The following TYW1 variants were observed in gnomAD, a reference collection of about 807,000 sequenced individuals.
TYW1 encodes tRNA-yW synthesizing protein 1 homolog, also known as S-adenosyl-L-methionine-dependent tRNA 4-demethylwyosine synthase TYW1.
A neutral mutation model predicts 96.2 loss-of-function variants in TYW1; 46 were observed. The observed-to-expected ratio is 0.48, with a 90% CI of 0.38 to 0.61. The LOEUF (loss-of-function observed/expected upper bound fraction) is 0.61, where lower values mean the gene tolerates loss of function less well. TYW1 is among the 20% of genes least tolerant of loss of function. The pLI is 0.00. For missense variants in TYW1, 684 were observed against 909.6 expected, an observed-to-expected ratio of 0.75 and a Z score of 3.19; for synonymous variants, 274 against 323.0, an observed-to-expected ratio of 0.85 and a Z score of 1.63.
chr7:67,033,591 G>A (rs1014819213), intron 7 of TYW1, among the ~76,000 whole-genome samples: 2 of 152,142 alleles, frequency 1.3e-5, no homozygotes, highest in African/African-American at 4.8e-5. Context: ...TTGAGGGAGT[G>A]GAGAGAACTT....
Position 66,996,985 on chromosome 7 carries a change from A to G in TYW1, c.4+3A>G. On this transcript the variant is annotated splice_donor_region_variant and intron_variant, in intron 1 of 15. Coordinates refer to ENST00000359626, the MANE Select transcript of TYW1 (RefSeq NM_018264.4). ...CCTGTCGGCTCTGAGGAGGATGGGT[A>G]AGGGCACTCGGCGGGCAAGGACCCT... 6.8e-6 allele frequency: 11 copies of G among 1,614,108 alleles called. No homozygotes were observed. The highest frequency in any genetic ancestry group is 1.1e-5 in the South Asian group (1 of 91,060).
At chr7:67,005,328 G>A (rs576337171) in intron 3 of TYW1, among the ~76,000 whole-genome samples, 1 of 152,254 alleles carries the variant, frequency 6.6e-6, no homozygotes, top group East Asian at 1.9e-4. Flanking sequence ...AGGCACAGTG[G>A]CTCACGCCTA....
At chr7:67,112,813 G>A (rs532633749) in intron 12 of TYW1, among the ~76,000 whole-genome samples, 1 of 152,252 alleles carries the variant, frequency 6.6e-6, no homozygotes, top group South Asian at 2.1e-4. Context: ...GCCAGATGCA[G>A]AACGGTGCGC....
chr7:67,063,384 C>A lies in TYW1; in HGVS notation c.1156-3901C>A, dbSNP rs192616078. On this transcript the variant is annotated intron_variant, in intron 9 of 15. Transcript: ENST00000359626. Reference sequence around the variant, plus strand: ...GGAACAAGACAAGTATGTCTGTGTTCACCACTCCTGTTTTACATAGTATTG... The same window carrying A: ...GGAACAAGACAAGTATGTCTGTGTTAACCACTCCTGTTTTACATAGTATTG... Among the ~76,000 whole-genome samples, 18 of 152,332 alleles carry A rather than the reference C, an allele frequency of 1.2e-4. No individual in the cohort carries two copies. In the East Asian group the frequency reaches 3.5e-3, roughly 29 times the overall value.
intron 13 of TYW1, among the ~76,000 whole-genome samples, chr7:67,129,659 G>A (rs56307114): frequency 0.28 from 42,120 of 152,130 alleles, 6,685 homozygotes; most frequent in African/African-American, 0.44. Context: ...TGACGTCCAA[G>A]CAACTTTCTT....
At chr7:67,175,951 T>C (rs1301379362) in intron 13 of TYW1, among the ~76,000 whole-genome samples, 1 of 152,182 alleles carries the variant, frequency 6.6e-6, no homozygotes, top group Non-Finnish European at 1.5e-5. Flanking sequence ...AAAGTTATGA[T>C]TGGAAAGGAA....
intron 11 of TYW1, among the ~76,000 whole-genome samples, chr7:67,090,867 C>G (rs1266024320): frequency 2.0e-5 from 3 of 152,136 alleles, no homozygotes; most frequent in Non-Finnish European, 2.9e-5. Flanking sequence ...CAGTAAGATA[C>G]CATCTCATAC....
At chr7:67,103,096 T>C (rs1270390888) in intron 12 of TYW1, among the ~76,000 whole-genome samples, 2 of 152,208 alleles carry the variant, frequency 1.3e-5, no homozygotes, top group African/African-American at 4.8e-5. Context: ...CCATTCTAGA[T>C]TCAGATCTCA....
chr7:66,997,753 C>G (rs1468265367), intron 1 of TYW1, among the ~76,000 whole-genome samples: 1 of 151,876 alleles, frequency 6.6e-6, no homozygotes, highest in Non-Finnish European at 1.5e-5. Context: ...CTCAGCCCCC[C>G]GAGTAGCTGG....
At chr7:67,191,842 A>T (rs1220975114) in intron 14 of TYW1, among the ~76,000 whole-genome samples, 1 of 151,894 alleles carries the variant, frequency 6.6e-6, no homozygotes, top group Non-Finnish European at 1.5e-5. Context: ...TGACTCAGGA[A>T]GTTACCCAGG....
At chr7:67,104,679 A>C (rs1253152166) in intron 12 of TYW1, among the ~76,000 whole-genome samples, 1 of 152,200 alleles carries the variant, frequency 6.6e-6, no homozygotes, top group Non-Finnish European at 1.5e-5. Flanking sequence ...GCTGTGTAGA[A>C]GCAAACACCT....
chr7:67,204,840 CA>C (rs2116372425), intron 15 of TYW1, among the ~76,000 whole-genome samples: 1 of 152,152 alleles, frequency 6.6e-6, no homozygotes, highest in South Asian at 2.1e-4. Flanking sequence ...GTGATCCACC[CA>C]CCTCCACCTC....
chr7:67,138,610 C>T (rs896717858), intron 13 of TYW1, among the ~76,000 whole-genome samples: 6 of 152,068 alleles, frequency 3.9e-5, no homozygotes, highest in African/African-American at 1.4e-4. Context: ...ACCATCCCAC[C>T]TTCCTCCCAA....
intron 9 of TYW1, among the ~76,000 whole-genome samples, chr7:67,063,441 A>G (rs1795757329): frequency 6.6e-6 from 1 of 152,230 alleles, no homozygotes; most frequent in Non-Finnish European, 1.5e-5. Context: ...AGTCAAGAAA[A>G]AGAAAATGCA....
intron 7 of TYW1, among the ~76,000 whole-genome samples, chr7:67,041,250 T>A (rs10271374): frequency 0.26 from 38,935 of 152,114 alleles, 5,448 homozygotes; most frequent in African/African-American, 0.37. Flanking sequence ...AAACTTGGCA[T>A]TGGAGGTTTT....
chr7:67,206,570 G>T (rs1200216072), intron 15 of TYW1, among the ~76,000 whole-genome samples: 1 of 151,938 alleles, frequency 6.6e-6, no homozygotes, highest in African/African-American at 2.4e-5. Flanking sequence ...GGCAGAGGTT[G>T]CAGTGAGCCA....
At chr7:67,182,516 A>T (rs1475549711) in intron 13 of TYW1, among the ~76,000 whole-genome samples, 1 of 147,962 alleles carries the variant, frequency 6.8e-6, no homozygotes, top group African/African-American at 2.6e-5. Context: ...GTGAGTTAGG[A>T]TTGCACCACT....
At chr7:67,104,093 C>T (rs1312684463) in intron 12 of TYW1, among the ~76,000 whole-genome samples, 1 of 152,108 alleles carries the variant, frequency 6.6e-6, no homozygotes, top group African/African-American at 2.4e-5. Context: ...GGAATCTAGA[C>T]TTTGTCAATT....
chr7:67,235,167 C>A (rs1260349532), intron 15 of TYW1, among the ~76,000 whole-genome samples: 1 of 152,164 alleles, frequency 6.6e-6, no homozygotes, highest in Non-Finnish European at 1.5e-5. Context: ...TGTCTTTCAG[C>A]AAGCAACACT....
Sources: gnomAD v4.1 joint callset for allele counts (sites outside exome capture counted in the v4.1 genomes callset) on GRCh38, gnomAD v4.1.1 for gene constraint, MANE v1.5 for transcripts, NCBI Gene and HGNC (gene_info 2026-07-23, HGNC 2026-07-21) for gene names.